Variants in RRAGD observed in about 807,000 individuals in gnomAD.
The protein encoded by RRAGD is ras-related GTP-binding protein D.
In RRAGD, 12 loss-of-function variants were observed where a neutral mutation model predicts 35.5. The ratio of observed to expected loss-of-function variants is 0.34; its 90% CI spans 0.22 to 0.55. The LOEUF is 0.55. Among genes scored for constraint, RRAGD ranks in the 20% least tolerant of loss-of-function variants. The pLI, the probability that RRAGD is intolerant of heterozygous loss-of-function variation, is 0.91. For synonymous variants in RRAGD, 155 were observed against 178.9 expected (o/e 0.87, Z 1.07); for missense variants, 324 against 490.1 (o/e 0.66, Z 3.20).
chr6:89,381,174 T>G (rs1769035707), intron 2 of RRAGD, among the ~76,000 whole-genome samples: 1 of 152,288 alleles, frequency 6.6e-6, no homozygotes, highest in East Asian at 1.9e-4. Context: ...AAAAGTAAGT[T>G]GTATTGGAAC....
At chr6:89,407,856 G>A (rs566943270) in intron 1 of RRAGD, among the ~76,000 whole-genome samples, 13 of 151,862 alleles carry the variant, frequency 8.6e-5, no homozygotes, top group Admixed American at 5.9e-4. Context: ...TGTGCCTCCC[G>A]TTTCCATTAG....
At chr6:89,394,999 G>A (rs1031617172) in intron 1 of RRAGD, among the ~76,000 whole-genome samples, 2 of 152,194 alleles carry the variant, frequency 1.3e-5, no homozygotes, top group African/African-American at 2.4e-5. Flanking sequence ...GTGCACACCT[G>A]TAATCTCAGC....
At position 89,382,468 on chromosome 6, in the gene RRAGD, C is replaced by T. The variant is rs184318413; in HGVS notation, c.445-2101G>A. ...GTGCACACCTGTAGTCCCAGCTACT[C>T]GGAGGCTGAGGCAGGAGAATTCCTT... On this transcript the variant is annotated intron_variant, in intron 2 of 6. Transcript: ENST00000369415. 2.1e-3 allele frequency among the ~76,000 whole-genome samples: 309 copies of T among 149,848 alleles called. 6 individuals are homozygous for T. Among genetic ancestry groups the T allele is most frequent in the Admixed American group, 8.8e-3 (132 of 14,966 alleles).
chr6:89,382,671 C>T (rs1279513330), intron 2 of RRAGD, among the ~76,000 whole-genome samples: 2 of 151,674 alleles, frequency 1.3e-5, no homozygotes, highest in Admixed American at 6.6e-5. Flanking sequence ...GTCAGGAGTT[C>T]GAGACCAGCC....
chr6:89,405,442 T>A (rs1410975949), intron 1 of RRAGD, among the ~76,000 whole-genome samples: 2 of 150,988 alleles, frequency 1.3e-5, no homozygotes, highest in African/African-American at 4.9e-5. Flanking sequence ...AGTGTCAGAC[T>A]AGGATTCAAG....
intron 1 of RRAGD, among the ~76,000 whole-genome samples, chr6:89,390,694 T>C (rs1769217074): frequency 6.6e-6 from 1 of 152,164 alleles, no homozygotes; most frequent in Non-Finnish European, 1.5e-5. Flanking sequence ...GGTCAGGAGT[T>C]TGAGACCAGC....
At chr6:89,368,250 TA>T (rs745505907) in intron 6 of RRAGD, 43 bp from the exon 7 acceptor site, 59 of 1,582,678 alleles carry the variant, frequency 3.7e-5, no homozygotes, top group Non-Finnish European at 4.8e-5. Context: ...CACGTAGAAA[TA>T]ATCTCCATCT....
intron 4 of RRAGD, among the ~76,000 whole-genome samples, chr6:89,378,235 G>A (rs1197926046): frequency 6.6e-6 from 1 of 151,894 alleles, no homozygotes; most frequent in Admixed American, 6.5e-5. Flanking sequence ...CCAGGAGGCG[G>A]AGGTAGCGGT....
chr6:89,386,127 T>C (rs1195645368), intron 2 of RRAGD, among the ~76,000 whole-genome samples: 1 of 152,182 alleles, frequency 6.6e-6, no homozygotes, highest in Admixed American at 6.5e-5. Context: ...CAGCGCATGC[T>C]GAGAAGGGCT....
intron 5 of RRAGD, among the ~76,000 whole-genome samples, chr6:89,376,767 C>T (rs1768955898): frequency 6.6e-6 from 1 of 152,152 alleles, no homozygotes. Flanking sequence ...GGAATCAGAT[C>T]TGAGTTGAAA....
intron 1 of RRAGD, among the ~76,000 whole-genome samples, chr6:89,409,920 A>G (rs1000894290): frequency 6.6e-6 from 1 of 152,154 alleles, no homozygotes; most frequent in Non-Finnish European, 1.5e-5. Flanking sequence ...TCACAATATA[A>G]ATATATTTAA....
chr6:89,391,462 T>G (rs1226698214), intron 1 of RRAGD, among the ~76,000 whole-genome samples: 1 of 151,998 alleles, frequency 6.6e-6, no homozygotes, highest in African/African-American at 2.4e-5. Flanking sequence ...ACAATATGGA[T>G]GAACACTGAA....
chr6:89,372,674 A>G, intron 5 of RRAGD, 89 bp from the exon 6 acceptor site: 1 of 1,326,214 alleles, frequency 7.5e-7, no homozygotes, highest in South Asian at 1.5e-5. Context: ...TTAAGCCACA[A>G]AAAGTGATAA....
At chr6:89,407,265 G>A (rs1040108434) in intron 1 of RRAGD, among the ~76,000 whole-genome samples, 1 of 152,092 alleles carries the variant, frequency 6.6e-6, no homozygotes, top group Non-Finnish European at 1.5e-5. Context: ...GAACTCTAAG[G>A]CTCTGGCACA....
At chr6:89,372,382 A>G in intron 6 of RRAGD, 55 bp downstream of exon 6, 1 of 1,531,120 alleles carries the variant, frequency 6.5e-7, no homozygotes, top group African/African-American at 1.4e-5. Context: ...CAATACATGC[A>G]GTAGCAGTCT....
chr6:89,380,122 T>C (rs769280855), intron 3 of RRAGD, 46 bp downstream of exon 3: 2 of 1,590,370 alleles, frequency 1.3e-6, no homozygotes, highest in Non-Finnish European at 1.7e-6. Flanking sequence ...CCAAACTTGC[T>C]TTCTTCCATC....
At chr6:89,388,578 T>C (rs1769175856) in intron 1 of RRAGD, among the ~76,000 whole-genome samples, 1 of 152,186 alleles carries the variant, frequency 6.6e-6, no homozygotes, top group South Asian at 2.1e-4. Flanking sequence ...AGCAAGTGGC[T>C]AACGTATTGG....
chr6:89,403,858 A>G (rs1769527869), intron 1 of RRAGD, among the ~76,000 whole-genome samples: 1 of 151,958 alleles, frequency 6.6e-6, no homozygotes, highest in Non-Finnish European at 1.5e-5. Context: ...GGGTCTCGCC[A>G]TGTTGTCCAG....
chr6:89,370,197 A>G lies in RRAGD; in HGVS notation c.1052-1990T>C, dbSNP rs556176585. On this transcript the variant is annotated intron_variant, in intron 6 of 6. Transcript: ENST00000369415. ...GGTGAAACAAGGTGTATTCCTGTCT[A>G]TCTTTAAAATTCCGTGATCTATTAT... Among the ~76,000 whole-genome samples the G allele has an allele frequency of 2.0e-5, 3 of 152,336 alleles. No individual in the cohort carries two copies. In the South Asian group the frequency reaches 6.2e-4, roughly 32 times the overall value.
Sources: allele counts gnomAD v4.1 joint callset (sites outside exome capture counted in the v4.1 genomes callset), GRCh38; gene constraint gnomAD v4.1.1; transcripts MANE v1.5; gene names NCBI Gene and HGNC (gene_info 2026-07-23, HGNC 2026-07-21).